LCLAT1: variants seen among roughly 807,000 people sequenced by gnomAD.
The protein encoded by LCLAT1 is lysocardiolipin acyltransferase 1.
LCLAT1 carries 11 observed loss-of-function variants against 30.7 expected under a neutral mutation model. That is an observed-to-expected ratio of 0.36 (90% CI 0.23 to 0.59). The LOEUF (loss-of-function observed/expected upper bound fraction) is 0.59, where lower values mean the gene tolerates loss of function less well. Ranked by LOEUF, LCLAT1 falls within the 20% of genes least tolerant of loss-of-function variation. The probability of loss-of-function intolerance (pLI) is 0.77; values close to 1 mark genes in which losing one functional copy is unlikely to be tolerated. For synonymous variants in LCLAT1, 155 were observed against 151.3 expected, an observed-to-expected ratio of 1.02 and a Z score of -0.18; for missense variants, 402 against 458.6, an observed-to-expected ratio of 0.88 and a Z score of 1.13.
chr2:30,495,326 C>T (rs529668919), intron 1 of LCLAT1, among the ~76,000 whole-genome samples: 3 of 152,134 alleles, frequency 2.0e-5, no homozygotes, highest in East Asian at 3.9e-4. Flanking sequence ...CCTTCAAGAT[C>T]ATCTAGTCTA....
At chr2:30,487,373 TA>T in intron 1 of LCLAT1, among the ~76,000 whole-genome samples, 1 of 152,320 alleles carries the variant, frequency 6.6e-6, no homozygotes, top group Middle Eastern at 3.4e-3. Context: ...AGAAAATCCG[TA>T]ATTTAATAAA....
intron 5 of LCLAT1, among the ~76,000 whole-genome samples, chr2:30,621,529 G>C (rs1668249910): frequency 6.6e-6 from 1 of 152,114 alleles, no homozygotes; most frequent in South Asian, 2.1e-4. Context: ...AAATACTGCA[G>C]AAACATAAAA....
chr2:30,636,340 GACT>G (rs1349686744), intron 5 of LCLAT1, among the ~76,000 whole-genome samples: 1 of 152,162 alleles, frequency 6.6e-6, no homozygotes, highest in Non-Finnish European at 1.5e-5. Context: ...GATTTACCCT[GACT>G]ACTATGTTGG....
intron 1 of LCLAT1, among the ~76,000 whole-genome samples, chr2:30,464,772 C>G (rs1282090586): frequency 1.3e-5 from 2 of 152,192 alleles, no homozygotes; most frequent in Non-Finnish European, 2.9e-5. Flanking sequence ...GTCAGAAGGC[C>G]TATGACCTTG....
intron 5 of LCLAT1, among the ~76,000 whole-genome samples, chr2:30,582,697 C>T (rs556111700): frequency 5.3e-5 from 8 of 152,268 alleles, no homozygotes; most frequent in South Asian, 2.1e-4. Context: ...ACTGACTCAC[C>T]GTGCTATGTT....
intron 1 of LCLAT1, among the ~76,000 whole-genome samples, chr2:30,486,957 T>G (rs989847887): frequency 6.6e-6 from 1 of 152,246 alleles, no homozygotes; most frequent in African/African-American, 2.4e-5. Context: ...CAGTTCCACC[T>G]ACTATAATAA....
chr2:30,597,302 G>C (rs1042977671), intron 5 of LCLAT1, among the ~76,000 whole-genome samples: 5 of 151,810 alleles, frequency 3.3e-5, no homozygotes, highest in Non-Finnish European at 7.4e-5. Flanking sequence ...ATTTGTTTGT[G>C]TCCTCTCTGA....
intron 3 of LCLAT1, among the ~76,000 whole-genome samples, chr2:30,555,549 TC>T (rs1434077217): frequency 6.6e-6 from 1 of 152,162 alleles, no homozygotes; most frequent in African/African-American, 2.4e-5. Context: ...TTTCTACAAA[TC>T]TTATAAGAAA....
intron 5 of LCLAT1, among the ~76,000 whole-genome samples, chr2:30,577,220 A>C (rs1270746772): frequency 1.3e-5 from 2 of 152,048 alleles, no homozygotes; most frequent in African/African-American, 4.8e-5. Context: ...GAGCAAAACT[A>C]GTCCAGGTTC....
At chr2:30,545,343 A>T (rs753273548) in intron 3 of LCLAT1, among the ~76,000 whole-genome samples, 3 of 152,092 alleles carry the variant, frequency 2.0e-5, no homozygotes, top group African/African-American at 7.2e-5. Flanking sequence ...TAAGATTGCT[A>T]TGCGCATTTT....
At chr2:30,598,041 G>C (rs978493420) in intron 5 of LCLAT1, among the ~76,000 whole-genome samples, 22 of 152,160 alleles carry the variant, frequency 1.4e-4, no homozygotes, top group Admixed American at 3.9e-4. Flanking sequence ...GTTTCAGTTT[G>C]CCAGTATTTT....
chr2:30,597,576 A>G (rs1378998272), intron 5 of LCLAT1, among the ~76,000 whole-genome samples: 2 of 152,222 alleles, frequency 1.3e-5, no homozygotes, highest in Admixed American at 1.3e-4. Flanking sequence ...ATACAGGATC[A>G]TGTCATCTGC....
intron 5 of LCLAT1, among the ~76,000 whole-genome samples, chr2:30,615,064 G>A (rs892566618): frequency 4.6e-5 from 7 of 152,136 alleles, no homozygotes; most frequent in Non-Finnish European, 2.9e-5. Context: ...AGTATAGACA[G>A]CTCAGGAAGT....
At chr2:30,584,012 C>T (rs1033784953) in intron 5 of LCLAT1, among the ~76,000 whole-genome samples, 1 of 151,842 alleles carries the variant, frequency 6.6e-6, no homozygotes, top group African/African-American at 2.4e-5. Context: ...CTTCCTCTAA[C>T]TTCCCTCCCC....
At chr2:30,600,658 G>C (rs577891826) in intron 5 of LCLAT1, among the ~76,000 whole-genome samples, 1 of 152,242 alleles carries the variant, frequency 6.6e-6, no homozygotes, top group African/African-American at 2.4e-5. Context: ...CTGAGAATCT[G>C]ATGGCCTTCC....
At chr2:30,484,215 C>A (rs987839888) in intron 1 of LCLAT1, among the ~76,000 whole-genome samples, 2 of 152,112 alleles carry the variant, frequency 1.3e-5, no homozygotes, top group Non-Finnish European at 2.9e-5. Flanking sequence ...CTCAAATTCG[C>A]TTTCAAAGTT....
intron 3 of LCLAT1, chr2:30,552,364 G>A (rs776251371): frequency 3.6e-5 from 11 of 304,692 alleles, no homozygotes; most frequent in Non-Finnish European, 6.6e-5. Context: ...AGTACAAGTG[G>A]TTTCTCCATT....
intron 1 of LCLAT1, among the ~76,000 whole-genome samples, chr2:30,470,513 C>G (rs1682722940): frequency 6.6e-6 from 1 of 152,192 alleles, no homozygotes; most frequent in Non-Finnish European, 1.5e-5. Flanking sequence ...AAAATACAAA[C>G]TAAATTCCTC....
At chr2:30,505,737 A>G (rs1331837090) in intron 1 of LCLAT1, among the ~76,000 whole-genome samples, 4 of 152,090 alleles carry the variant, frequency 2.6e-5, no homozygotes, top group African/African-American at 9.7e-5. Context: ...TTGTAACGTT[A>G]TAATGTAGCT....
Sources: gnomAD v4.1 joint callset for allele counts (sites outside exome capture counted in the v4.1 genomes callset) on GRCh38, gnomAD v4.1.1 for gene constraint, MANE v1.5 for transcripts, NCBI Gene and HGNC (gene_info 2026-07-23, HGNC 2026-07-21) for gene names.